The following RCBTB2 variants were observed in gnomAD, a reference collection of about 807,000 sequenced individuals.
RCBTB2 encodes RCC1 and BTB domain-containing protein 2.
RCBTB2 carries 55 observed loss-of-function variants against 65.4 expected under a neutral mutation model. The observed-to-expected ratio is 0.84, with a 90% CI of 0.68 to 1.05. The LOEUF (loss-of-function observed/expected upper bound fraction) is 1.05, where lower values mean the gene tolerates loss of function less well. RCBTB2 is among the 50% of genes least tolerant of loss of function. The pLI, the probability that RCBTB2 is intolerant of heterozygous loss-of-function variation, is 0.00. For synonymous variants in RCBTB2, 220 were observed against 255.2 expected, an observed-to-expected ratio of 0.86 and a Z score of 1.31; for missense variants, 599 against 680.1, an observed-to-expected ratio of 0.88 and a Z score of 1.33.
chr13:48,519,161 G>A (rs1951274271), intron 4 of RCBTB2, among the ~76,000 whole-genome samples: 1 of 152,120 alleles, frequency 6.6e-6, no homozygotes, highest in African/African-American at 2.4e-5. Context: ...CATATCATCT[G>A]ATTGTTGAGT....
In RCBTB2 at chr13:48,510,733, A is replaced by C. The variant is rs146463569; in HGVS notation, c.822T>G (p.Asp274Glu). Residue 274 changes from aspartate (D) to glutamate (E), a missense_variant, in exon 10 of 15, where the codon GAT becomes GAG. By Grantham distance (45) the Asp-to-Glu change is conservative. Transcript: ENST00000344532. ...CGCCCCAAGCATACACTTGGCCTTC[A>C]TCTGTTAATACTAATGTGTGTGCGT... ...CGYAHTLVLTDEGQVYAWGAN... is the reference protein window; with the variant it reads ...CGYAHTLVLTEEGQVYAWGAN... The C allele has an allele frequency of 1.5e-4, 236 of 1,614,030 alleles. No individual in the cohort carries two copies. The highest frequency in any genetic ancestry group is 1.9e-4 in the Non-Finnish European group (221 of 1,180,034).
intron 1 of RCBTB2, among the ~76,000 whole-genome samples, chr13:48,531,592 G>C (rs1372352200): frequency 6.6e-6 from 1 of 152,210 alleles, no homozygotes; most frequent in Non-Finnish European, 1.5e-5. Flanking sequence ...CCTGGGATGA[G>C]GGTCCGCTTG....
At chr13:48,515,412 T>C (rs980197336) in intron 5 of RCBTB2, 57 bp from the exon 6 acceptor site, 1 of 1,539,082 alleles carries the variant, frequency 6.5e-7, no homozygotes, top group Non-Finnish European at 8.9e-7. Context: ...ATCTATAAAT[T>C]ACATCCAAAC....
At chr13:48,515,514 C>T (rs1038712545) in intron 5 of RCBTB2, 72 bp downstream of exon 5, 6 of 1,415,598 alleles carry the variant, frequency 4.2e-6, no homozygotes, top group Non-Finnish European at 5.8e-6. Flanking sequence ...TTCCTTAGTT[C>T]CCCCAAGATC....
At chr13:48,530,118 C>CT (rs1952026780) in intron 1 of RCBTB2, among the ~76,000 whole-genome samples, 1 of 151,970 alleles carries the variant, frequency 6.6e-6, no homozygotes, top group Admixed American at 6.6e-5. Context: ...CGGCTGGTCT[C>CT]TAACTCCTGG....
At chr13:48,530,398 T>TGTAA (rs1555311776) in intron 1 of RCBTB2, among the ~76,000 whole-genome samples, 2 of 152,254 alleles carry the variant, frequency 1.3e-5, no homozygotes, top group Non-Finnish European at 2.9e-5. Context: ...TTGTAATCTA[T>TGTAA]GTAAGTAAAG....
chr13:48,520,826 G>A (rs1368096871), intron 4 of RCBTB2, among the ~76,000 whole-genome samples: 3 of 150,690 alleles, frequency 2.0e-5, no homozygotes, highest in African/African-American at 7.3e-5. Context: ...AATTACGTTA[G>A]GCATACCTAG....
In RCBTB2 at chr13:48,501,851, T is replaced by C; in HGVS notation, c.1135A>G (p.Thr379Ala). 3 of 1,613,858 alleles carry C rather than the reference T, an allele frequency of 1.9e-6. No homozygotes were observed. The highest frequency in any genetic ancestry group is 1.1e-5 in the South Asian group (1 of 91,020). Residue 379 changes from threonine to alanine, a missense_variant, in exon 12 of 15, where the codon ACA (threonine) becomes GCA (alanine). Physicochemically the swap from Thr to Ala is moderately conservative, Grantham distance 58 (BLOSUM62 0). Transcript: ENST00000344532. The stretch of plus-strand genomic sequence containing the variant: ...TCCCTCTTCAGTGACTCAGCCACTG[T>C]GAGGTGGTCATCAGGTTCTAGGAGA... Reference protein sequence around the residue: ...LLSVEPDDHLTVAESLKREFD... With the variant: ...LLSVEPDDHLAVAESLKREFD...
upstream of RCBTB2, chr13:48,533,192 A>G (rs1952282559): frequency 2.8e-6 from 1 of 353,924 alleles, no homozygotes; most frequent in South Asian, 2.0e-5. Flanking sequence ...GAGCGCAGAC[A>G]AGAGGAGGGG....
chr13:48,490,639 C>T (rs796680439), intron 14 of RCBTB2, among the ~76,000 whole-genome samples: 2 of 152,070 alleles, frequency 1.3e-5, no homozygotes, highest in Non-Finnish European at 2.9e-5. Context: ...TTTATATCAG[C>T]GTCTTTAAGT....
chr13:48,493,316 C>CACT lies in RCBTB2; in HGVS notation c.1515+2874_1515+2875insAGT, dbSNP rs1566254752. Among the ~76,000 whole-genome samples, 82 of 24,784 alleles carry CACT rather than the reference C, an allele frequency of 3.3e-3. 1 individual carries two copies. Among genetic ancestry groups the CACT allele is most frequent in the Middle Eastern group, 0.031 (1 of 32 alleles). The allele number at this position is 24,784 out of a possible 152,430, so 16.3% of individuals were successfully genotyped here. A position where few individuals can be genotyped will look rare whatever the true frequency, so the allele number is the denominator to read the frequency against. On this transcript the variant is annotated intron_variant, in intron 14 of 14. Transcript: ENST00000344532. ...ACACACACACACACACACACACACA[C>CACT]TCTCTCTCTCTCTCTCTCTCTCTCT...
At chr13:48,495,182 C>G (rs974849736) in intron 14 of RCBTB2, among the ~76,000 whole-genome samples, 4 of 152,028 alleles carry the variant, frequency 2.6e-5, no homozygotes, top group African/African-American at 9.7e-5. Flanking sequence ...AGATTTGGTT[C>G]TAAGATTGGT....
chr13:48,490,767 C>T (rs9332067), intron 14 of RCBTB2, among the ~76,000 whole-genome samples: 4 of 152,162 alleles, frequency 2.6e-5, no homozygotes, highest in Non-Finnish European at 5.9e-5. Context: ...TATGAGACGA[C>T]ACAGGATGGG....
intron 1 of RCBTB2, among the ~76,000 whole-genome samples, chr13:48,529,798 G>C (rs1308956291): frequency 6.6e-6 from 1 of 151,480 alleles, no homozygotes; most frequent in Non-Finnish European, 1.5e-5. Flanking sequence ...CTCTCTTTTA[G>C]TCTTTAACAA....
Position 48,490,060 on chromosome 13 carries a change from T to C in RCBTB2, c.*51A>G, listed in dbSNP as rs767037244. Reference sequence around the variant, plus strand: ...TAATTAAAGAGAAGTGATTCATCTCTGGCTTTTGCAGGGGAAATGGAAAGG... The same window carrying C: ...TAATTAAAGAGAAGTGATTCATCTCCGGCTTTTGCAGGGGAAATGGAAAGG... On this transcript the variant is annotated 3_prime_UTR_variant, in exon 15 of 15. Coordinates refer to ENST00000344532, the MANE Select transcript of RCBTB2 (RefSeq NM_001268.4). 1.9e-6 allele frequency: 3 copies of C among 1,599,200 alleles called. No individual in the cohort carries two copies. The highest frequency in any genetic ancestry group is 2.6e-6 in the Non-Finnish European group (3 of 1,167,190).
chr13:48,514,473 G>T (rs1003422900), intron 6 of RCBTB2, among the ~76,000 whole-genome samples: 1 of 152,166 alleles, frequency 6.6e-6, no homozygotes, highest in Non-Finnish European at 1.5e-5. Flanking sequence ...CAAGGATAAC[G>T]GGAGACTACT....
At position 48,522,311 on chromosome 13, in the gene RCBTB2, T is replaced by C; in HGVS notation, c.-27A>G. On this transcript the variant is annotated 5_prime_UTR_variant, in exon 3 of 15. Transcript: ENST00000344532. The stretch of plus-strand genomic sequence containing the variant: ...TAAGGAAAAATAAATTTTAGACCTT[T>C]GTCAACTTTTCTCTGGGATTGGAAA... The C allele has an allele frequency of 6.6e-7, 1 of 1,520,000 alleles. No individual in the cohort carries two copies. Among genetic ancestry groups the C allele is most frequent in the Non-Finnish European group, 8.8e-7 (1 of 1,132,814 alleles). The allele number at this position is 1,520,000 out of a possible 1,614,324, so 94.2% of individuals were successfully genotyped here.
intron 4 of RCBTB2, 79 bp from the exon 5 acceptor site, chr13:48,515,820 G>C (rs758289973): frequency 1.9e-5 from 26 of 1,394,114 alleles, no homozygotes; most frequent in Non-Finnish European, 2.4e-5. Context: ...GTAGAAGAGG[G>C]CGAACACTGG....
At chr13:48,529,576 A>C (rs1253323540) in intron 1 of RCBTB2, among the ~76,000 whole-genome samples, 1 of 152,198 alleles carries the variant, frequency 6.6e-6, no homozygotes, top group African/African-American at 2.4e-5. Flanking sequence ...ACCCACTCTA[A>C]TGTCAAATTA....
Sources: gnomAD v4.1 joint callset for allele counts (sites outside exome capture counted in the v4.1 genomes callset) on GRCh38, gnomAD v4.1.1 for gene constraint, MANE v1.5 for transcripts, NCBI Gene and HGNC (gene_info 2026-07-23, HGNC 2026-07-21) for gene names.